TTLL7: variants seen among roughly 807,000 people sequenced by gnomAD.
TTLL7 encodes tubulin tyrosine ligase like 7, also known as tubulin polyglutamylase TTLL7.
TTLL7 carries 53 observed loss-of-function variants against 120.2 expected under a neutral mutation model. That is an observed-to-expected ratio of 0.44 (90% CI 0.35 to 0.55). The LOEUF is 0.55. Ranked by LOEUF, TTLL7 falls within the 20% of genes least tolerant of loss-of-function variation. TTLL7 has a pLI of 0.00. For missense variants in TTLL7, 803 were observed against 1,054.7 expected, an observed-to-expected ratio of 0.76 and a Z score of 3.31; for synonymous variants, 353 against 351.7, an observed-to-expected ratio of 1.00 and a Z score of -0.04.
chr1:83,882,630 G>A (rs753358250), intron 20 of TTLL7: 19 of 188,652 alleles, frequency 1.0e-4, no homozygotes, highest in Non-Finnish European at 1.3e-4. Context: ...GGTAAATGTT[G>A]AAATATCTCT....
At chr1:83,892,861 A>AAT (rs915292446) in intron 18 of TTLL7, among the ~76,000 whole-genome samples, 3 of 151,060 alleles carry the variant, frequency 2.0e-5, no homozygotes, top group African/African-American at 4.9e-5. Flanking sequence ...TATATATATG[A>AAT]ATATATATAA....
At position 83,948,184 on chromosome 1, in the gene TTLL7, A is replaced by AACACACACACAC. The variant is rs35199174; in HGVS notation, c.347+432_347+443dup. On this transcript the variant is annotated intron_variant, in intron 5 of 20. Transcript: ENST00000260505. ...AATCACCAATATGAAGACACACACA[A>AACACACACACAC]ACACACACACACACACACACACACA... 2.3e-3 allele frequency among the ~76,000 whole-genome samples: 337 copies of AACACACACACAC among 147,454 alleles called. 3 individuals are homozygous for AACACACACACAC. The highest frequency in any genetic ancestry group is 7.8e-3 in the African/African-American group (314 of 40,358).
At chr1:83,912,130 C>A (rs1024671163) in intron 14 of TTLL7, among the ~76,000 whole-genome samples, 1 of 152,012 alleles carries the variant, frequency 6.6e-6, no homozygotes, top group Admixed American at 6.6e-5. Context: ...CTTTTCATTG[C>A]CCATGCTACA....
chr1:83,994,581 A>C (rs575315130), intron 1 of TTLL7, among the ~76,000 whole-genome samples: 2 of 152,160 alleles, frequency 1.3e-5, no homozygotes, highest in African/African-American at 2.4e-5. Flanking sequence ...GGGGAGGGGG[A>C]GCATCTGAAT....
At chr1:83,877,495 T>C (rs549619935) in intron 20 of TTLL7, among the ~76,000 whole-genome samples, 1 of 151,720 alleles carries the variant, frequency 6.6e-6, no homozygotes, top group Admixed American at 6.6e-5. Flanking sequence ...GAAGGGCTCT[T>C]AATAATTGAT....
chr1:83,939,860 AG>A (rs1647773289), intron 7 of TTLL7, among the ~76,000 whole-genome samples: 1 of 152,214 alleles, frequency 6.6e-6, no homozygotes, highest in Non-Finnish European at 1.5e-5. Flanking sequence ...AAAAATATGT[AG>A]TAAGCTGCCG....
intron 19 of TTLL7, among the ~76,000 whole-genome samples, chr1:83,883,385 G>A (rs964059571): frequency 6.6e-6 from 1 of 151,314 alleles, no homozygotes; most frequent in African/African-American, 2.4e-5. Context: ...GTGTGTGTTT[G>A]TATGTGAGAG....
chr1:83,868,124 C>T lies in TTLL7; in HGVS notation c.*1838G>A, dbSNP rs1462781090. 6.6e-6 allele frequency: 1 copy of T among 152,140 alleles called. No homozygotes were observed. Among genetic ancestry groups the T allele is most frequent in the Non-Finnish European group, 1.5e-5 (1 of 68,010 alleles). The allele number at this position is 152,140 out of a possible 1,614,324, so 9.4% of individuals were successfully genotyped here. On this transcript the variant is annotated 3_prime_UTR_variant, in exon 21 of 21. Coordinates refer to ENST00000260505, the MANE Select transcript of TTLL7 (RefSeq NM_024686.6). Reference sequence around the variant, plus strand: ...AGAAGATGGCTTGAAAAGCAAAATACATCTAACTTATAACTTTAGGTTGCC... The same window carrying T: ...AGAAGATGGCTTGAAAAGCAAAATATATCTAACTTATAACTTTAGGTTGCC...
chr1:83,963,092 A>G (rs1371727944), intron 1 of TTLL7, among the ~76,000 whole-genome samples: 1 of 152,108 alleles, frequency 6.6e-6, no homozygotes, highest in Admixed American at 6.6e-5. Context: ...CATAATCTGA[A>G]TTTCCTCCAG....
intron 14 of TTLL7, 42 bp downstream of exon 14, chr1:83,917,562 G>T: frequency 7.3e-7 from 1 of 1,361,218 alleles, no homozygotes; most frequent in Non-Finnish European, 1.1e-6. Flanking sequence ...AGGGCTAGTA[G>T]CATCTACTTT....
At chr1:83,912,257 A>T (rs946042335) in intron 14 of TTLL7, among the ~76,000 whole-genome samples, 1 of 152,180 alleles carries the variant, frequency 6.6e-6, no homozygotes, top group African/African-American at 2.4e-5. Context: ...CCATGCTGTT[A>T]CGTGTTACCA....
intron 18 of TTLL7, among the ~76,000 whole-genome samples, chr1:83,896,675 G>C (rs866015373): frequency 6.6e-6 from 1 of 151,948 alleles, no homozygotes; most frequent in Non-Finnish European, 1.5e-5. Context: ...AGCCACAGTA[G>C]GTATTAAAAA....
intron 10 of TTLL7, among the ~76,000 whole-genome samples, chr1:83,924,202 A>C (rs1420159235): frequency 6.6e-6 from 1 of 152,188 alleles, no homozygotes; most frequent in Non-Finnish European, 1.5e-5. Flanking sequence ...ATAAACAAAA[A>C]CACAGGGTAT....
intron 1 of TTLL7, among the ~76,000 whole-genome samples, chr1:83,990,123 A>G (rs940922460): frequency 1.4e-5 from 2 of 147,012 alleles, no homozygotes; most frequent in Admixed American, 1.4e-4. Context: ...TAGGTATTGG[A>G]TCGTATCAAT....
chr1:83,892,503 TG>T (rs1366988841), intron 18 of TTLL7, among the ~76,000 whole-genome samples: 73 of 115,700 alleles, frequency 6.3e-4, no homozygotes, highest in African/African-American at 7.2e-4. Context: ...TATGAACATA[TG>T]AATGAACATA....
chr1:83,870,979 ATTT>A (rs1161767453), intron 20 of TTLL7, among the ~76,000 whole-genome samples: 1 of 149,612 alleles, frequency 6.7e-6, no homozygotes, highest in Non-Finnish European at 1.5e-5. Context: ...AAAATATGTG[ATTT>A]TTTTTTCAGA....
intron 18 of TTLL7, among the ~76,000 whole-genome samples, chr1:83,892,392 G>GAATATATATGAATATATATACA: frequency 5.0e-5 from 1 of 20,156 alleles, no homozygotes; most frequent in Admixed American, 5.7e-4. Context: ...ATATATATAC[G>GAATATATATGAATATATATACA]AATATATATG....
intron 18 of TTLL7, 106 bp downstream of exon 18, chr1:83,903,973 G>C (rs1656961618): frequency 2.4e-6 from 2 of 833,392 alleles, no homozygotes; most frequent in Admixed American, 4.4e-5. Context: ...TTGAAGAAAT[G>C]AGTAAACAAA....
chr1:83,938,488 G>A (rs79828941), intron 7 of TTLL7, among the ~76,000 whole-genome samples: 132 of 152,200 alleles, frequency 8.7e-4, no homozygotes, highest in Non-Finnish European at 1.3e-3. Flanking sequence ...AACATAAGCC[G>A]AGAGGCAGGA....
Sources: gnomAD v4.1 joint callset for allele counts (sites outside exome capture counted in the v4.1 genomes callset) on GRCh38, gnomAD v4.1.1 for gene constraint, MANE v1.5 for transcripts, NCBI Gene and HGNC (gene_info 2026-07-23, HGNC 2026-07-21) for gene names.